The following RNF138 variants were observed in gnomAD, a reference collection of about 807,000 sequenced individuals.
The protein encoded by RNF138 is ring finger protein 138, also known as E3 ubiquitin-protein ligase RNF138.
In RNF138, 12 loss-of-function variants were observed where a neutral mutation model predicts 31.0. That is an observed-to-expected ratio of 0.39 (90% CI 0.25 to 0.63). The LOEUF is 0.63. Among genes scored for constraint, RNF138 ranks in the 20% least tolerant of loss-of-function variants. RNF138 has a pLI of 0.52. For synonymous variants in RNF138, 105 were observed against 99.5 expected, an observed-to-expected ratio of 1.06 and a Z score of -0.33; for missense variants, 192 against 300.1, an observed-to-expected ratio of 0.64 and a Z score of 2.66.
chr18:32,115,472 C>T (rs949537274), intron 4 of RNF138, among the ~76,000 whole-genome samples: 5 of 152,222 alleles, frequency 3.3e-5, no homozygotes, highest in East Asian at 1.9e-4. Flanking sequence ...TGGCTGGGCG[C>T]GGTGGCTCAC....
intron 2 of RNF138, among the ~76,000 whole-genome samples, chr18:32,103,637 A>T (rs557202518): frequency 3.0e-4 from 45 of 152,266 alleles, no homozygotes; most frequent in African/African-American, 8.7e-4. Flanking sequence ...CATTAAAAAA[A>T]TTTTTTTAGA....
chr18:32,127,237 C>T (rs1024891584), intron 7 of RNF138, among the ~76,000 whole-genome samples: 8 of 152,146 alleles, frequency 5.3e-5, no homozygotes, highest in Middle Eastern at 3.4e-3. Context: ...AATGAGGGAG[C>T]TTAGTTATCA....
chr18:32,110,476 T>G (rs540022378), intron 2 of RNF138, among the ~76,000 whole-genome samples: 2 of 152,284 alleles, frequency 1.3e-5, no homozygotes, highest in African/African-American at 4.8e-5. Context: ...ATTTCGTGAG[T>G]GAGGAAACTG....
intron 2 of RNF138, among the ~76,000 whole-genome samples, chr18:32,111,039 C>T (rs1036295204): frequency 2.0e-5 from 3 of 152,206 alleles, no homozygotes; most frequent in Non-Finnish European, 4.4e-5. Flanking sequence ...TTCAGCGTCC[C>T]AAAGTGCTGG....
intron 3 of RNF138, 26 bp from the exon 4 acceptor site, chr18:32,113,713 TAAATTA>T (rs754669973): frequency 7.8e-6 from 8 of 1,019,188 alleles, no homozygotes; most frequent in Non-Finnish European, 1.1e-5. Context: ...AGTTCTATTT[TAAATTA>T]AAAGTCACAT....
chr18:32,092,946 C>T lies in RNF138; in HGVS notation c.110+60C>T, dbSNP rs1013516730. The T allele has an allele frequency of 4.0e-5, 38 of 952,066 alleles. 1 individual carries two copies. The highest frequency in any genetic ancestry group is 3.8e-4 in the Admixed American group (11 of 28,870). The allele number at this position is 952,066 out of a possible 1,614,324, so 59.0% of individuals were successfully genotyped here. ...GTTGTCGCTTAGGCCCGGCCTCCGGCCCGGGACCCCGGGCTGCCGCCTGGC... is the reference window on the plus strand; with the variant it reads ...GTTGTCGCTTAGGCCCGGCCTCCGGTCCGGGACCCCGGGCTGCCGCCTGGC... On this transcript the variant is annotated intron_variant, in intron 2 of 7. Transcript: ENST00000261593.
At chr18:32,119,863 AG>A (rs761567322) in intron 4 of RNF138, among the ~76,000 whole-genome samples, 2 of 152,128 alleles carry the variant, frequency 1.3e-5, no homozygotes, top group Non-Finnish European at 2.9e-5. Context: ...TAATCTAATT[AG>A]TTATTACTAG....
At chr18:32,099,454 G>A (rs1348701487) in intron 2 of RNF138, among the ~76,000 whole-genome samples, 1 of 152,152 alleles carries the variant, frequency 6.6e-6, no homozygotes, top group Non-Finnish European at 1.5e-5. Flanking sequence ...CCAGACTGGA[G>A]TGCAGTGGTG....
At chr18:32,093,599 C>T (rs2039750087) in intron 2 of RNF138, among the ~76,000 whole-genome samples, 2 of 152,110 alleles carry the variant, frequency 1.3e-5, no homozygotes, top group Admixed American at 1.3e-4. Context: ...TTACTTATTA[C>T]TTGATTAATA....
intron 4 of RNF138, among the ~76,000 whole-genome samples, chr18:32,120,165 T>A (rs1380143641): frequency 2.0e-5 from 3 of 152,196 alleles, no homozygotes; most frequent in Non-Finnish European, 4.4e-5. Flanking sequence ...CAAATAAGTA[T>A]AATATTTACT....
At chr18:32,107,583 C>T (rs1259263116) in intron 2 of RNF138, among the ~76,000 whole-genome samples, 5 of 151,916 alleles carry the variant, frequency 3.3e-5, no homozygotes, top group African/African-American at 4.8e-5. Flanking sequence ...TGCAATGGCA[C>T]GATCTTGGCT....
At chr18:32,096,481 G>T (rs2039808102) in intron 2 of RNF138, among the ~76,000 whole-genome samples, 2 of 152,104 alleles carry the variant, frequency 1.3e-5, no homozygotes, top group Non-Finnish European at 2.9e-5. Flanking sequence ...TGTGGGTGTC[G>T]AAGTGGTCAC....
rs965380413 is a variant in RNF138 at position 32,111,811 on chromosome 18, A to C, written c.168A>C (p.Leu56=). ...AMRESGAHCP[L]CRGNVTRRER... ...GGGAAAGCGGAGCACATTGTCCCCT[A>C]TGTCGTGGAAATGTGACTAGAAGAG... Residue 56 remains leucine (L), a synonymous_variant, in exon 3 of 8, where the codon CTA becomes CTC. Coordinates refer to ENST00000261593, the MANE Select transcript of RNF138 (RefSeq NM_016271.5). 1 of 1,613,750 alleles carries C rather than the reference A, an allele frequency of 6.2e-7. No homozygotes were observed. Among genetic ancestry groups the C allele is most frequent in the Non-Finnish European group, 8.5e-7 (1 of 1,179,866 alleles).
At chr18:32,107,380 C>G (rs1280024274) in intron 2 of RNF138, among the ~76,000 whole-genome samples, 2 of 151,860 alleles carry the variant, frequency 1.3e-5, no homozygotes, top group East Asian at 3.9e-4. Flanking sequence ...CTCGGCCTCC[C>G]AAAATGCTGG....
rs1437104181 is a variant in RNF138 at position 32,096,879 on chromosome 18, C to T, written c.110+3993C>T. Among the ~76,000 whole-genome samples the T allele has an allele frequency of 2.0e-5, 3 of 152,206 alleles. No individual in the cohort carries two copies. The East Asian group carries it at 5.8e-4, about 29-fold the overall frequency. On this transcript the variant is annotated intron_variant, in intron 2 of 7. Transcript: ENST00000261593. ...GTAGCTAGCTGGGACTACAGGCACT[C>T]ACCACCATGCCTGGCTATTAAAAAA...
intron 2 of RNF138, among the ~76,000 whole-genome samples, chr18:32,098,572 G>T (rs1001740358): frequency 4.6e-5 from 7 of 152,020 alleles, no homozygotes; most frequent in Non-Finnish European, 1.0e-4. Context: ...AAAGGTTGAG[G>T]CCGGGCGCAG....
chr18:32,123,709 G>A, intron 5 of RNF138, 135 bp downstream of exon 5: 1 of 533,114 alleles, frequency 1.9e-6, no homozygotes, highest in Non-Finnish European at 3.1e-6. Context: ...CTGGAGTGCA[G>A]TGGTGCGATC....
At chr18:32,092,531 T>C in intron 1 of RNF138, 169 bp from the exon 2 acceptor site, 1 of 493,332 alleles carries the variant, frequency 2.0e-6, no homozygotes, top group Non-Finnish European at 3.6e-6. Context: ...CCAAGCACCG[T>C]CCCCCATCCA....
chr18:32,096,747 T>C (rs1379404434), intron 2 of RNF138, among the ~76,000 whole-genome samples: 1 of 152,182 alleles, frequency 6.6e-6, no homozygotes, highest in Non-Finnish European at 1.5e-5. Flanking sequence ...TTTTGTTTTT[T>C]TTGAAATAGG....
Sources: gnomAD v4.1 joint callset for allele counts (sites outside exome capture counted in the v4.1 genomes callset) on GRCh38, gnomAD v4.1.1 for gene constraint, MANE v1.5 for transcripts, NCBI Gene and HGNC (gene_info 2026-07-23, HGNC 2026-07-21) for gene names.